WWOX: variants seen among roughly 807,000 people sequenced by gnomAD.
WWOX encodes WW domain-containing oxidoreductase.
A neutral mutation model predicts 46.2 loss-of-function variants in WWOX; 69 were observed. The observed-to-expected ratio is 1.49, with a 90% confidence interval of 1.23 to 1.82. The LOEUF (loss-of-function observed/expected upper bound fraction) is 1.82, where lower values mean the gene tolerates loss of function less well. Ranked by LOEUF, WWOX falls within the 40% of genes most tolerant of loss-of-function variation. WWOX has a pLI of 0.00. For missense variants in WWOX, 919 were observed against 542.6 expected, an observed-to-expected ratio of 1.69 and a Z score of -6.89; for synonymous variants, 359 against 202.6, an observed-to-expected ratio of 1.77 and a Z score of -6.56.
At chr16:78,561,939 A>C (rs577666554) in intron 8 of WWOX, among the ~76,000 whole-genome samples, 2 of 151,014 alleles carry the variant, frequency 1.3e-5, no homozygotes, top group South Asian at 2.1e-4. Context: ...TTTCCCATTA[A>C]AAGTAACAGG....
At position 78,666,434 on chromosome 16, in the gene WWOX, C is replaced by T. The variant is rs145885127; in HGVS notation, c.1056+233682C>T. Reference sequence around the variant, plus strand: ...GAACAACCCAAGCCCCAGTGTGTCACGCCATTACATGCTTACAGCCTATTT... The same window carrying T: ...GAACAACCCAAGCCCCAGTGTGTCATGCCATTACATGCTTACAGCCTATTT... On this transcript the variant is annotated intron_variant, in intron 8 of 8. Transcript: ENST00000566780. Among the ~76,000 whole-genome samples, 19 of 152,286 alleles carry T rather than the reference C, an allele frequency of 1.2e-4. 1 individual carries two copies. The highest frequency in any genetic ancestry group is 3.3e-4 in the Admixed American group (5 of 15,300).
chr16:79,003,326 C>T (rs915138781), intron 8 of WWOX, among the ~76,000 whole-genome samples: 1 of 152,140 alleles, frequency 6.6e-6, no homozygotes, highest in African/African-American at 2.4e-5. Context: ...GGGACGTGAT[C>T]TAACATTTGC....
chr16:79,029,264 A>C (rs1401272757), intron 8 of WWOX, among the ~76,000 whole-genome samples: 2 of 152,118 alleles, frequency 1.3e-5, no homozygotes, highest in African/African-American at 4.8e-5. Context: ...TTGAGTTTTC[A>C]CGCGGAAACT....
At chr16:78,593,881 C>T (rs996351616) in intron 8 of WWOX, among the ~76,000 whole-genome samples, 5 of 152,134 alleles carry the variant, frequency 3.3e-5, no homozygotes, top group Non-Finnish European at 7.4e-5. Context: ...AAGCTGTAGA[C>T]AAACAAAAAT....
rs966909520 is a variant in WWOX at position 78,910,980 on chromosome 16, A to G, written c.1057-300628A>G. On this transcript the variant is annotated intron_variant, in intron 8 of 8. Transcript: ENST00000566780. The stretch of plus-strand genomic sequence containing the variant: ...ATTTCAAAATAATGTGTTGTGCACA[A>G]TATATATGTGCAATTTTTGTCAATT... Among the ~76,000 whole-genome samples the G allele has an allele frequency of 2.6e-5, 4 of 152,064 alleles. 1 individual carries two copies. The highest frequency in any genetic ancestry group is 4.4e-5 in the Non-Finnish European group (3 of 68,002).
chr16:78,503,617 A>G (rs2085123576), intron 8 of WWOX: 1 of 152,120 alleles, frequency 6.6e-6, no homozygotes, highest in South Asian at 2.1e-4. Context: ...ACACCATTAG[A>G]AATAAGATTT....
At chr16:79,024,803 C>G in intron 8 of WWOX, among the ~76,000 whole-genome samples, 1 of 152,252 alleles carries the variant, frequency 6.6e-6, no homozygotes, top group East Asian at 1.9e-4. Context: ...AAATCCTGGC[C>G]TCAAGCAATC....
chr16:78,964,907 G>A (rs150654723), intron 8 of WWOX, among the ~76,000 whole-genome samples: 184 of 152,368 alleles, frequency 1.2e-3, no homozygotes, highest in Non-Finnish European at 2.2e-3. Context: ...GCTTCAGAGG[G>A]TGGAAGCCCC....
At chr16:79,084,928 T>A (rs1484151665) in intron 8 of WWOX, among the ~76,000 whole-genome samples, 1 of 152,132 alleles carries the variant, frequency 6.6e-6, no homozygotes, top group Admixed American at 6.5e-5. Context: ...AAAGATGATA[T>A]AATTTTGCAA....
intron 5 of WWOX, among the ~76,000 whole-genome samples, chr16:78,381,398 A>G (rs57633558): frequency 0.054 from 8,157 of 152,196 alleles, 284 homozygotes; most frequent in East Asian, 0.12. Flanking sequence ...GAGTGCCACT[A>G]TATTCAAGGG....
chr16:78,229,807 G>A (rs1032098795), intron 5 of WWOX, among the ~76,000 whole-genome samples: 1 of 151,960 alleles, frequency 6.6e-6, no homozygotes, highest in Non-Finnish European at 1.5e-5. Flanking sequence ...TCTATTAGTT[G>A]ATGCTTTGTT....
chr16:78,533,709 C>G (rs564005308), intron 8 of WWOX, among the ~76,000 whole-genome samples: 31 of 152,328 alleles, frequency 2.0e-4, no homozygotes, highest in African/African-American at 7.2e-4. Flanking sequence ...TCGATTTGTG[C>G]TCCAGGTCTG....
chr16:78,690,080 C>G (rs557128934), intron 8 of WWOX, among the ~76,000 whole-genome samples: 1 of 152,048 alleles, frequency 6.6e-6, no homozygotes, highest in Non-Finnish European at 1.5e-5. Context: ...AGGCTGGTCT[C>G]GATCTCCTGA....
At chr16:78,852,521 A>T (rs1358682765) in intron 8 of WWOX, among the ~76,000 whole-genome samples, 1 of 152,014 alleles carries the variant, frequency 6.6e-6, no homozygotes, top group Admixed American at 6.6e-5. Context: ...AGTTCCTCCA[A>T]CCCCCTTTAA....
intron 8 of WWOX, among the ~76,000 whole-genome samples, chr16:79,082,436 C>A (rs200168363): frequency 6.6e-6 from 1 of 152,094 alleles, no homozygotes; most frequent in Non-Finnish European, 1.5e-5. Flanking sequence ...CTTCCCATGG[C>A]CAGGAGAAGC....
chr16:78,993,119 T>C (rs1196742599), intron 8 of WWOX, among the ~76,000 whole-genome samples: 4 of 152,120 alleles, frequency 2.6e-5, no homozygotes, highest in Non-Finnish European at 4.4e-5. Context: ...GTGATGTGTG[T>C]TTAAATTACC....
intron 8 of WWOX, among the ~76,000 whole-genome samples, chr16:78,725,985 TCTCCTC>T (rs974226252): frequency 6.7e-6 from 1 of 150,314 alleles, no homozygotes; most frequent in African/African-American, 2.5e-5. Flanking sequence ...TCCTTCTCCT[TCTCCTC>T]CTTCTCCTTC....
chr16:78,411,894 G>A (rs8044154), intron 6 of WWOX, among the ~76,000 whole-genome samples: 16 of 152,196 alleles, frequency 1.1e-4, no homozygotes, highest in Admixed American at 2.0e-4. Context: ...AGAGGAGAGC[G>A]GAGAGGGAAG....
chr16:78,382,596 A>T (rs1459947949), intron 5 of WWOX, among the ~76,000 whole-genome samples: 1 of 152,218 alleles, frequency 6.6e-6, no homozygotes, highest in African/African-American at 2.4e-5. Context: ...ACTCTGACGT[A>T]CTAAAGGGTT....
Sources: gnomAD v4.1 joint callset for allele counts (sites outside exome capture counted in the v4.1 genomes callset) on GRCh38, gnomAD v4.1.1 for gene constraint, MANE v1.5 for transcripts, NCBI Gene and HGNC (gene_info 2026-07-23, HGNC 2026-07-21) for gene names.